The following PYGO1 variants were observed in gnomAD, a reference collection of about 807,000 sequenced individuals.
PYGO1 encodes pygopus homolog 1.
PYGO1 carries 6 observed loss-of-function variants against 29.5 expected under a neutral mutation model. The observed-to-expected ratio is 0.20, with a 90% CI of 0.11 to 0.40. The LOEUF (loss-of-function observed/expected upper bound fraction) is 0.40, where lower values mean the gene tolerates loss of function less well. Ranked by LOEUF, PYGO1 falls within the 10% of genes least tolerant of loss-of-function variation. The pLI, the probability that PYGO1 is intolerant of heterozygous loss-of-function variation, is 1.00. For synonymous variants in PYGO1, 186 were observed against 180.5 expected, an observed-to-expected ratio of 1.03 and a Z score of -0.24; for missense variants, 515 against 514.9, an observed-to-expected ratio of 1.00 and a Z score of 0.00.
intron 1 of PYGO1, among the ~76,000 whole-genome samples, chr15:55,555,159 C>G (rs1405607328): frequency 1.3e-5 from 2 of 152,112 alleles, no homozygotes; most frequent in Non-Finnish European, 2.9e-5. Context: ...AACAGTAGAC[C>G]TCTCAGCAGA....
intron 1 of PYGO1, among the ~76,000 whole-genome samples, chr15:55,587,258 C>G (rs1244565163): frequency 6.6e-6 from 1 of 152,148 alleles, no homozygotes; most frequent in Non-Finnish European, 1.5e-5. Context: ...CCATGCATAA[C>G]ACTGATTTTA....
Position 55,540,266 on chromosome 15 carries a change from G to A in PYGO1, c.*5757C>T, listed in dbSNP as rs2058823412. 1 of 152,124 alleles carries A rather than the reference G, an allele frequency of 6.6e-6. No individual in the cohort carries two copies. The highest frequency in any genetic ancestry group is 2.4e-5 in the African/African-American group (1 of 41,518). The allele number at this position is 152,124 out of a possible 1,614,324, so 9.4% of individuals were successfully genotyped here. ...CCAGGTAAATTAGAGGAGTCTTACGGTATCTTAATCATGTCTAAATAAATG... is the reference window on the plus strand; with the variant it reads ...CCAGGTAAATTAGAGGAGTCTTACGATATCTTAATCATGTCTAAATAAATG... On this transcript the variant is annotated 3_prime_UTR_variant, in exon 3 of 3. Transcript: ENST00000563719.
At chr15:55,563,724 C>T (rs749323127) in intron 1 of PYGO1, among the ~76,000 whole-genome samples, 3 of 152,078 alleles carry the variant, frequency 2.0e-5, no homozygotes, top group Admixed American at 6.5e-5. Context: ...CTGTACCCGA[C>T]GTGTAGTCTT....
At chr15:55,557,342 C>T (rs151118657) in intron 1 of PYGO1, among the ~76,000 whole-genome samples, 4,448 of 152,190 alleles carry the variant, frequency 0.029, 230 homozygotes, top group African/African-American at 0.1. Context: ...GAAATTGAGG[C>T]AATAATTAAT....
Position 55,546,116 on chromosome 15 carries a change from T to C in PYGO1, c.1167A>G (p.Val389=), listed in dbSNP as rs148523376. 28 of 1,613,970 alleles carry C rather than the reference T, an allele frequency of 1.7e-5. No individual in the cohort carries two copies. Among genetic ancestry groups the C allele is most frequent in the Non-Finnish European group, 2.3e-5 (27 of 1,179,940 alleles). ...CAGCCATACAGGTATCACAGCCCCA[T>C]ACTGCAGATGCTTCTGCAGTTAAGA... ...YGLLTAEASA[V]WGCDTCMADK... is the part of the protein sequence containing the mutation. The change falls in exon 3 of 3, where the codon GTA becomes GTG. Residue 389 remains valine (V), a synonymous_variant. Coordinates refer to ENST00000563719, the MANE Select transcript of PYGO1 (RefSeq NM_001367806.1).
intron 1 of PYGO1, among the ~76,000 whole-genome samples, chr15:55,576,535 C>T (rs2141673540): frequency 6.7e-6 from 1 of 148,496 alleles, no homozygotes; most frequent in Non-Finnish European, 1.5e-5. Flanking sequence ...CTTTGGGAGG[C>T]CAAGGCAGGC....
At position 55,546,467 on chromosome 15, in the gene PYGO1, T is replaced by A. The variant is rs1448691713; in HGVS notation, c.816A>T (p.Glu272Asp). Residue 272 changes from glutamate (E) to aspartate (D), a missense_variant, in exon 3 of 3, where the codon GAA (glutamate) becomes GAT (aspartate). By Grantham distance (45) the Glu-to-Asp change is conservative. Coordinates refer to ENST00000563719, the MANE Select transcript of PYGO1 (RefSeq NM_001367806.1). ...CATTGTTTCGATTAACATTTTTTAA[T>A]TCAATATTACTCTGATTCACTGTGT... ...MDDTVNQSNI[E>D]LKNVNRNNAV... 1.9e-6 allele frequency: 3 copies of A among 1,614,096 alleles called. No homozygotes were observed. Among genetic ancestry groups the A allele is most frequent in the African/African-American group, 1.3e-5 (1 of 74,934 alleles).
intron 1 of PYGO1, among the ~76,000 whole-genome samples, chr15:55,550,608 T>G (rs2058874674): frequency 1.3e-5 from 2 of 152,358 alleles, no homozygotes; most frequent in Middle Eastern, 3.4e-3. Flanking sequence ...TTCTTTTCTT[T>G]GTTCACTAAG....
In PYGO1 at chr15:55,587,951, G is replaced by T; in HGVS notation, c.-68C>A. 6.9e-7 allele frequency: 1 copy of T among 1,441,678 alleles called. No individual in the cohort carries two copies. The allele number at this position is 1,441,678 out of a possible 1,614,324, so 89.3% of individuals were successfully genotyped here. On this transcript the variant is annotated 5_prime_UTR_variant, in exon 1 of 3. Transcript: ENST00000563719. ...CGGTCTCTTTGATGCTGCGGCGGCGGCTCCTCCTCCTCGCGGGGCCGCTGC... is the reference window on the plus strand; with the variant it reads ...CGGTCTCTTTGATGCTGCGGCGGCGTCTCCTCCTCCTCGCGGGGCCGCTGC...
upstream of PYGO1, chr15:55,588,852 T>C: frequency 1.2e-6 from 2 of 1,613,414 alleles, no homozygotes; most frequent in Non-Finnish European, 1.7e-6. Context: ...TCGGCGGGCA[T>C]GTGGGGATCC....
Position 55,542,873 on chromosome 15 carries a change from G to A in PYGO1, c.*3150C>T, listed in dbSNP as rs886962802. ...GAACCAGGAAGGCAGACGTTGCAGT[G>A]AGCCGAGATCTCATCACTGCACTCC... On this transcript the variant is annotated 3_prime_UTR_variant, in exon 3 of 3. Coordinates refer to ENST00000563719, the MANE Select transcript of PYGO1 (RefSeq NM_001367806.1). The A allele has an allele frequency of 1.4e-4, 22 of 152,160 alleles. No individual in the cohort carries two copies. Among genetic ancestry groups the A allele is most frequent in the African/African-American group, 5.3e-4 (22 of 41,476 alleles). 9.4% of individuals were successfully genotyped at this position (152,160 alleles called of 1,614,324 possible). A position where few individuals can be genotyped will look rare whatever the true frequency, so the allele number is the denominator to read the frequency against.
chr15:55,561,468 G>C (rs757896382), intron 1 of PYGO1, among the ~76,000 whole-genome samples: 1 of 152,160 alleles, frequency 6.6e-6, no homozygotes, highest in Non-Finnish European at 1.5e-5. Flanking sequence ...TCTTCACAAA[G>C]TGGCAGGAGA....
At chr15:55,581,255 T>A (rs1005516190) in intron 1 of PYGO1, among the ~76,000 whole-genome samples, 1 of 152,162 alleles carries the variant, frequency 6.6e-6, no homozygotes, top group Non-Finnish European at 1.5e-5. Context: ...AGGGCATGTT[T>A]AGCAGAAGGG....
intron 1 of PYGO1, among the ~76,000 whole-genome samples, chr15:55,586,175 C>T (rs1443707357): frequency 6.6e-6 from 1 of 152,138 alleles, no homozygotes; most frequent in Non-Finnish European, 1.5e-5. Flanking sequence ...TTAAGTCAGC[C>T]GGAAATTTAC....
intron 1 of PYGO1, among the ~76,000 whole-genome samples, chr15:55,567,197 CTTTTTTTTTTTTTTT>C (rs71297645): frequency 1.1e-4 from 5 of 47,082 alleles, no homozygotes; most frequent in South Asian, 1.5e-3. Flanking sequence ...TTTTGCCCAC[CTTTTTTTTTTTTTTT>C]TTTTTTTTTT....
chr15:55,568,150 G>A (rs1186810928), intron 1 of PYGO1, among the ~76,000 whole-genome samples: 1 of 152,142 alleles, frequency 6.6e-6, no homozygotes, highest in East Asian at 1.9e-4. Context: ...TGTTCAATGT[G>A]TAGACTGCTT....
intron 1 of PYGO1, among the ~76,000 whole-genome samples, chr15:55,555,805 C>A (rs952442925): frequency 6.6e-6 from 1 of 151,996 alleles, no homozygotes; most frequent in Non-Finnish European, 1.5e-5. Context: ...CAAAGACACA[C>A]ATAGGCTCAA....
At chr15:55,551,801 C>T (rs1053045158) in intron 1 of PYGO1, among the ~76,000 whole-genome samples, 30 of 151,144 alleles carry the variant, frequency 2.0e-4, no homozygotes, top group African/African-American at 7.3e-4. Flanking sequence ...AGCAAGACCC[C>T]AACTAAAAAA....
rs763013720 is a variant in PYGO1, at chr15:55,546,753, C to G, written c.530G>C (p.Arg177Thr). Reference protein sequence around the residue: ...QNVNMPNQHFRQNPAENFSQI... With the variant: ...QNVNMPNQHFTQNPAENFSQI... The stretch of plus-strand genomic sequence containing the variant: ...ACTGAAATTTTCAGCAGGATTTTGT[C>G]TAAAATGTTGATTAGGCATGTTGAC... The change falls in exon 3 of 3, where the codon AGA becomes ACA. Residue 177 changes from arginine (R) to threonine (T), a missense_variant. Physicochemically the swap from Arg to Thr is moderately conservative, Grantham distance 71. Coordinates refer to ENST00000563719, the MANE Select transcript of PYGO1 (RefSeq NM_001367806.1). The G allele has an allele frequency of 6.2e-7, 1 of 1,614,044 alleles. No homozygotes were observed. Among genetic ancestry groups the G allele is most frequent in the South Asian group, 1.1e-5 (1 of 91,068 alleles).
Sources: allele counts gnomAD v4.1 joint callset (sites outside exome capture counted in the v4.1 genomes callset), GRCh38; gene constraint gnomAD v4.1.1; transcripts MANE v1.5; gene names NCBI Gene and HGNC (gene_info 2026-07-23, HGNC 2026-07-21).